The following RALGAPA2 variants were observed in gnomAD, a reference collection of about 807,000 sequenced individuals.
The protein encoded by RALGAPA2 is ral GTPase-activating protein subunit alpha-2.
RALGAPA2 carries 139 observed loss-of-function variants against 230.4 expected under a neutral mutation model. That is an observed-to-expected ratio of 0.60 (90% CI 0.53 to 0.69). The LOEUF (loss-of-function observed/expected upper bound fraction) is 0.69. Among genes scored for constraint, RALGAPA2 ranks in the 30% least tolerant of loss-of-function variants. The pLI is 0.00. For synonymous variants in RALGAPA2, 847 were observed against 837.8 expected (o/e 1.01, Z -0.19); for missense variants, 2,163 against 2,276.0 (o/e 0.95, Z 1.01).
At chr20:20,458,808 A>ATATATATAGACC (rs1569418079) in intron 37 of RALGAPA2, among the ~76,000 whole-genome samples, 83 of 99,886 alleles carry the variant, frequency 8.3e-4, no homozygotes, top group African/African-American at 3.5e-3. Context: ...ATATAGACCT[A>ATATATATAGACC]TATATATATA....
At chr20:20,479,839 T>A (rs866928608) in intron 36 of RALGAPA2, among the ~76,000 whole-genome samples, 3 of 152,228 alleles carry the variant, frequency 2.0e-5, no homozygotes, top group African/African-American at 7.2e-5. Context: ...GTCATTTTTT[T>A]AGATGGTATA....
At chr20:20,675,825 G>C (rs1283493507) in intron 3 of RALGAPA2, among the ~76,000 whole-genome samples, 4 of 152,076 alleles carry the variant, frequency 2.6e-5, no homozygotes, top group African/African-American at 9.7e-5. Context: ...TCTAATGTTA[G>C]AGTATAGGAA....
intron 36 of RALGAPA2, among the ~76,000 whole-genome samples, chr20:20,484,315 T>C (rs2061852409): frequency 6.6e-6 from 1 of 152,150 alleles, no homozygotes; most frequent in African/African-American, 2.4e-5. Flanking sequence ...TCTTCTTGTG[T>C]GTTCTATGGT....
At chr20:20,711,502 C>T (rs763117249) in intron 1 of RALGAPA2, among the ~76,000 whole-genome samples, 93 of 152,114 alleles carry the variant, frequency 6.1e-4, no homozygotes, top group Non-Finnish European at 1.1e-3. Flanking sequence ...CAAAACATAG[C>T]CTAGGCGAAC....
At chr20:20,610,602 C>T (rs2065949756) in intron 14 of RALGAPA2, among the ~76,000 whole-genome samples, 1 of 152,180 alleles carries the variant, frequency 6.6e-6, no homozygotes, top group African/African-American at 2.4e-5. Flanking sequence ...TACCACCCAC[C>T]TTAAACCTCG....
rs375623322 is a variant in RALGAPA2, at chr20:20,512,914, T to G, written c.4455A>C (p.Leu1485Phe). ...ATGAAGGATTTCTTCCATTGGGTGCTAAGCAGCCTTCCAAAGGTCCATATA... is the reference window on the plus strand; with the variant it reads ...ATGAAGGATTTCTTCCATTGGGTGCGAAGCAGCCTTCCAAAGGTCCATATA... ...KVLYGPLEGC[L>F]APNGRNPSFL... Residue 1485 changes from leucine (L) to phenylalanine (F), a missense_variant, in exon 32 of 40, where the codon TTA becomes TTC. Physicochemically the swap from Leu to Phe is conservative, Grantham distance 22. Transcript: ENST00000202677. The G allele has an allele frequency of 1.2e-6, 2 of 1,613,914 alleles. No homozygotes were observed. The highest frequency in any genetic ancestry group is 2.7e-5 in the African/African-American group (2 of 75,054).
intron 2 of RALGAPA2, among the ~76,000 whole-genome samples, chr20:20,678,106 G>A (rs1245790541): frequency 1.3e-5 from 2 of 152,146 alleles, no homozygotes; most frequent in African/African-American, 4.8e-5. Context: ...ATGAGAACAG[G>A]CCGGTGATTC....
chr20:20,459,486 T>C (rs143009330), intron 37 of RALGAPA2, among the ~76,000 whole-genome samples: 217 of 151,534 alleles, frequency 1.4e-3, no homozygotes, highest in African/African-American at 5.0e-3. Context: ...TGCAGGCTTC[T>C]GAGGTAGGTA....
chr20:20,520,930 C>T lies in RALGAPA2; in HGVS notation c.4071G>A (p.Leu1357=). 6.2e-7 allele frequency: 1 copy of T among 1,609,676 alleles called. No individual in the cohort carries two copies. The highest frequency in any genetic ancestry group is 8.5e-7 in the Non-Finnish European group (1 of 1,176,726). ...AAGAATACTCACCCTCTTCAACAGT[C>T]AGCAGGTTACCCAATTCTGCTGATG... is the stretch of plus-strand genomic sequence containing the variant. The part of the protein sequence containing the change: ...YHSSAELGNL[L]TVEEEKKRRS... The change falls in exon 31 of 40, where the codon CTG becomes CTA. Residue 1357 remains leucine (L), a synonymous_variant. Coordinates refer to ENST00000202677, the MANE Select transcript of RALGAPA2 (RefSeq NM_020343.4).
At chr20:20,697,711 GC>G (rs2146961841) in intron 1 of RALGAPA2, among the ~76,000 whole-genome samples, 1 of 152,320 alleles carries the variant, frequency 6.6e-6, no homozygotes, top group African/African-American at 2.4e-5. Flanking sequence ...GTTACTAGCT[GC>G]CAGGACATGT....
chr20:20,459,673 A>G (rs2061255993), intron 37 of RALGAPA2, among the ~76,000 whole-genome samples: 2 of 152,294 alleles, frequency 1.3e-5, no homozygotes, highest in African/African-American at 4.8e-5. Context: ...GGCCATGGAC[A>G]CCAATATAAT....
chr20:20,641,388 T>C (rs1271611678), intron 5 of RALGAPA2, among the ~76,000 whole-genome samples: 1 of 152,232 alleles, frequency 6.6e-6, no homozygotes, highest in East Asian at 1.9e-4. Context: ...GCTATCACTA[T>C]AATATGCCAT....
At chr20:20,693,845 C>T (rs2069006457) in intron 1 of RALGAPA2, among the ~76,000 whole-genome samples, 1 of 152,174 alleles carries the variant, frequency 6.6e-6, no homozygotes, top group Admixed American at 6.5e-5. Context: ...TGGCTCACAC[C>T]TGTAATCCTA....
At chr20:20,627,730 T>C (rs1012856834) in intron 10 of RALGAPA2, among the ~76,000 whole-genome samples, 2 of 152,264 alleles carry the variant, frequency 1.3e-5, no homozygotes, top group African/African-American at 4.8e-5. Context: ...TGCATTATGC[T>C]TTCCGGCTCC....
chr20:20,634,120 AC>A (rs1302107863), intron 9 of RALGAPA2, among the ~76,000 whole-genome samples: 2 of 150,078 alleles, frequency 1.3e-5, no homozygotes, highest in Non-Finnish European at 3.0e-5. Flanking sequence ...GGACTCAAAG[AC>A]CCTTTAAGTT....
At chr20:20,632,027 CTTT>C (rs563059184) in intron 9 of RALGAPA2, among the ~76,000 whole-genome samples, 2 of 141,378 alleles carry the variant, frequency 1.4e-5, no homozygotes, top group Admixed American at 7.1e-5. Flanking sequence ...ACACACCCAG[CTTT>C]TTTTTTTTTT....
At chr20:20,691,006 A>G (rs1016894084) in intron 1 of RALGAPA2, among the ~76,000 whole-genome samples, 6 of 151,674 alleles carry the variant, frequency 4.0e-5, no homozygotes, top group Admixed American at 3.3e-4. Flanking sequence ...ATGATGCCTG[A>G]CTCCCCCATT....
intron 27 of RALGAPA2, among the ~76,000 whole-genome samples, chr20:20,529,632 T>C (rs1022541463): frequency 2.6e-5 from 4 of 152,354 alleles, no homozygotes; most frequent in East Asian, 1.9e-4. Context: ...TGTGTTCCAA[T>C]TGAATATTCA....
At chr20:20,401,539 G>T (rs530639882) in intron 38 of RALGAPA2, among the ~76,000 whole-genome samples, 1 of 152,068 alleles carries the variant, frequency 6.6e-6, no homozygotes, top group East Asian at 1.9e-4. Context: ...AGGAGTGACC[G>T]GGGCAGTGAG....
Sources: gnomAD v4.1 joint callset for allele counts (sites outside exome capture counted in the v4.1 genomes callset) on GRCh38, gnomAD v4.1.1 for gene constraint, MANE v1.5 for transcripts, NCBI Gene and HGNC (gene_info 2026-07-23, HGNC 2026-07-21) for gene names.